Variants in PDE6A observed in about 807,000 individuals in gnomAD.
The protein encoded by PDE6A is phosphodiesterase 6A.
Under a neutral mutation model 106.3 loss-of-function variants are expected in PDE6A, and 84 were observed. The observed-to-expected ratio is 0.79, with a 90% CI of 0.66 to 0.95. The LOEUF (loss-of-function observed/expected upper bound fraction) is 0.95. Among genes scored for constraint, PDE6A ranks in the 40% least tolerant of loss-of-function variants. The pLI is 0.00. For synonymous variants in PDE6A, 394 were observed against 386.6 expected (o/e 1.02, Z -0.23); for missense variants, 1,052 against 1,084.9 (o/e 0.97, Z 0.43).
At chr5:149,921,868 T>C (rs1031125834) in intron 4 of PDE6A, among the ~76,000 whole-genome samples, 159 bp from the exon 5 acceptor site, 7 of 152,114 alleles carry the variant, frequency 4.6e-5, no homozygotes, top group Non-Finnish European at 1.0e-4. Context: ...TCACTACAGT[T>C]AGAAAATAGT....
intron 3 of PDE6A, among the ~76,000 whole-genome samples, chr5:149,933,207 A>G (rs1384410061): frequency 1.3e-5 from 2 of 152,158 alleles, no homozygotes; most frequent in African/African-American, 2.4e-5. Context: ...GCCTCAAGCA[A>G]TCCTCCTACC....
intron 13 of PDE6A, among the ~76,000 whole-genome samples, chr5:149,892,249 G>C (rs1472050619): frequency 6.6e-6 from 1 of 152,130 alleles, no homozygotes; most frequent in Non-Finnish European, 1.5e-5. Flanking sequence ...CCAGGAGTTT[G>C]AGGCTGCATT....
At position 149,933,951 on chromosome 5, in the gene PDE6A, G is replaced by A. The variant is rs1239529694; in HGVS notation, c.696C>T (p.Asn232=). ...MKVYHLSYLH[N]CETRRGQILL... ...TTACCTGGCCACGTCGAGTTTCACA[G>A]TTGTGCAGGTAACTCAGGTGGTACA... Residue 232 remains asparagine (N), a synonymous_variant, in exon 3 of 22, where the codon AAC becomes AAT. Transcript: ENST00000255266. The A allele has an allele frequency of 6.2e-7, 1 of 1,613,608 alleles. No homozygotes were observed. The highest frequency in any genetic ancestry group is 1.1e-5 in the South Asian group (1 of 91,004).
intron 13 of PDE6A, among the ~76,000 whole-genome samples, chr5:149,888,151 A>G (rs1427816793): frequency 6.6e-6 from 1 of 152,204 alleles, no homozygotes. Flanking sequence ...AAGTAAAAAA[A>G]GATCTAAGAG....
intron 5 of PDE6A, among the ~76,000 whole-genome samples, chr5:149,917,227 CTT>C (rs1753584433): frequency 6.6e-6 from 1 of 151,964 alleles, no homozygotes; most frequent in African/African-American, 2.4e-5. Flanking sequence ...GACTCACTCT[CTT>C]GAGTATGCCT....
rs1754132339 is a variant in PDE6A, at chr5:149,934,623, G to C, written c.570C>G (p.Ala190=). 1 of 1,614,128 alleles carries C rather than the reference G, an allele frequency of 6.2e-7. No individual in the cohort carries two copies. The highest frequency in any genetic ancestry group is 1.7e-4 in the Middle Eastern group (1 of 6,050). The change falls in exon 2 of 22, where the codon GCC becomes GCG. Residue 190 remains alanine, a synonymous_variant. Transcript: ENST00000255266. ...SPIMNGKDVV[A]IIMAVNKVDG... is the part of the protein sequence containing the mutation. ...CCACTTTATTCACAGCCATGATTAT[G>C]GCCACCACATCCTTCCCATTCATTA... is the stretch of plus-strand genomic sequence containing the variant.
At chr5:149,906,947 T>C (rs1392719742) in intron 7 of PDE6A, among the ~76,000 whole-genome samples, 1 of 152,026 alleles carries the variant, frequency 6.6e-6, no homozygotes, top group Admixed American at 6.6e-5. Flanking sequence ...AATTTTTATA[T>C]TTTTAGTAGA....
chr5:149,895,800 G>C (rs1435172238), intron 12 of PDE6A, among the ~76,000 whole-genome samples: 2 of 151,738 alleles, frequency 1.3e-5, no homozygotes, highest in Non-Finnish European at 2.9e-5. Flanking sequence ...AAAGAGGAGA[G>C]AGAGAGAGAG....
chr5:149,907,082 A>G (rs933066696), intron 7 of PDE6A, among the ~76,000 whole-genome samples: 1 of 152,050 alleles, frequency 6.6e-6, no homozygotes, highest in African/African-American at 2.4e-5. Flanking sequence ...AAGACTATGC[A>G]CCTTTCTACC....
chr5:149,876,074 AT>A (rs1475777407), intron 17 of PDE6A, among the ~76,000 whole-genome samples: 5 of 152,168 alleles, frequency 3.3e-5, no homozygotes, highest in Non-Finnish European at 7.3e-5. Context: ...AATTATATCC[AT>A]TTATTGAAAT....
At chr5:149,923,337 A>G (rs1753775534) in intron 4 of PDE6A, among the ~76,000 whole-genome samples, 1 of 152,002 alleles carries the variant, frequency 6.6e-6, no homozygotes, top group South Asian at 2.1e-4. Flanking sequence ...GTCTCTACCA[A>G]AAATACAAAA....
In PDE6A at chr5:149,868,024, A is replaced by C. The variant is rs148193179; in HGVS notation, c.2199+71T>G. On this transcript the variant is annotated intron_variant, in intron 18 of 21. Coordinates refer to ENST00000255266, the MANE Select transcript of PDE6A (RefSeq NM_000440.3). ...GCTGGTTCTGGAGCTGGGCTGAGAG[A>C]GTCCAAGCCTCATGACCTGATGCCC... 1.3e-3 allele frequency: 1,806 copies of C among 1,441,712 alleles called. 8 individuals are homozygous for C. In the African/African-American group the frequency reaches 0.018, roughly 14 times the overall value. 89.3% of individuals were successfully genotyped at this position (1,441,712 alleles called of 1,614,324 possible).
chr5:149,926,105 G>A (rs574058532), intron 4 of PDE6A, among the ~76,000 whole-genome samples: 97 of 152,140 alleles, frequency 6.4e-4, no homozygotes, highest in Non-Finnish European at 7.8e-4. Context: ...AGCTGGGCAT[G>A]GTGGCACGTG....
intron 5 of PDE6A, among the ~76,000 whole-genome samples, chr5:149,917,396 C>T (rs370482622): frequency 5.9e-5 from 9 of 152,138 alleles, no homozygotes; most frequent in African/African-American, 1.9e-4. Flanking sequence ...CCAAGCCTCC[C>T]GACTCAGAAC....
In PDE6A at chr5:149,866,123, G is replaced by A. The variant is rs1438223096; in HGVS notation, c.2358+47C>T. ...TTCCTGCTGTTGTCTGGAAATCCCA[G>A]GTTTATCAAAGACATCTTGTTGCGG... On this transcript the variant is annotated intron_variant, in intron 20 of 21. Transcript: ENST00000255266. 4.4e-6 allele frequency: 6 copies of A among 1,354,452 alleles called. No homozygotes were observed. The Admixed American group carries it at 1.0e-4, about 23-fold the overall frequency. 83.9% of individuals were successfully genotyped at this position (1,354,452 alleles called of 1,614,324 possible).
At chr5:149,938,873 A>G (rs908629324) in intron 1 of PDE6A, among the ~76,000 whole-genome samples, 43 of 152,210 alleles carry the variant, frequency 2.8e-4, no homozygotes, top group African/African-American at 1.0e-3. Context: ...CAAAAGAACT[A>G]CCTTTGTGAT....
rs113776634 is a variant in PDE6A, at chr5:149,901,998, C to T, written c.1113+1650G>A. On this transcript the variant is annotated intron_variant, in intron 8 of 21. Transcript: ENST00000255266. ...GCTGAGGATATCAAGAAAGATAAGA[C>T]CCAACCTTGACCAAAGGAAGTCACA... Among the ~76,000 whole-genome samples, 914 of 152,252 alleles carry T rather than the reference C, an allele frequency of 6.0e-3. 7 individuals carry two copies. Among genetic ancestry groups the T allele is most frequent in the African/African-American group, 0.02 (842 of 41,540 alleles).
chr5:149,892,163 T>G (rs1319264672), intron 13 of PDE6A, among the ~76,000 whole-genome samples: 1 of 151,610 alleles, frequency 6.6e-6, no homozygotes, highest in African/African-American at 2.4e-5. Flanking sequence ...ACAAAATAAA[T>G]AAATCAGCCA....
rs112455300 is a variant in PDE6A at position 149,874,579 on chromosome 5, G to A, written c.2136-6421C>T. 1.1e-4 allele frequency among the ~76,000 whole-genome samples: 17 copies of A among 152,188 alleles called. No individual in the cohort carries two copies. The East Asian group carries it at 1.5e-3, about 14-fold the overall frequency. ...GCTTTTTTTGTTTTTAATCACAGAA[G>A]CATGATTGATTAAATCATTATCCAC... On this transcript the variant is annotated intron_variant, in intron 17 of 21. Coordinates refer to ENST00000255266, the MANE Select transcript of PDE6A (RefSeq NM_000440.3).
Sources: gnomAD v4.1 joint callset for allele counts (sites outside exome capture counted in the v4.1 genomes callset) on GRCh38, gnomAD v4.1.1 for gene constraint, MANE v1.5 for transcripts, NCBI Gene and HGNC (gene_info 2026-07-23, HGNC 2026-07-21) for gene names.